GNG7: variants seen among roughly 807,000 people sequenced by gnomAD.
The protein encoded by GNG7 is G protein subunit gamma 7.
In GNG7, 1 loss-of-function variant was observed where a neutral mutation model predicts 4.0. The ratio of observed to expected loss-of-function variants is 0.25; its 90% CI spans 0.09 to 1.18. GNG7 has a LOEUF of 1.18. GNG7 is among the 50% of genes most tolerant of loss of function. The pLI is 0.50. For missense variants in GNG7, 86 were observed against 91.9 expected, an observed-to-expected ratio of 0.94 and a Z score of 0.26; for synonymous variants, 34 against 36.9, an observed-to-expected ratio of 0.92 and a Z score of 0.29.
chr19:2,551,854 T>C (rs1200408985), intron 3 of GNG7, among the ~76,000 whole-genome samples: 2 of 151,972 alleles, frequency 1.3e-5, no homozygotes, highest in African/African-American at 4.8e-5. Context: ...CGGCTAATTT[T>C]TTTTATTTTC....
At chr19:2,572,935 G>A (rs372202827) in intron 2 of GNG7, among the ~76,000 whole-genome samples, 5 of 150,766 alleles carry the variant, frequency 3.3e-5, no homozygotes, top group South Asian at 2.1e-4. Flanking sequence ...TGGAAACCCC[G>A]TCCGCATTAG....
intron 1 of GNG7, among the ~76,000 whole-genome samples, chr19:2,666,370 G>A (rs138897644): frequency 0.015 from 2,339 of 151,074 alleles, 35 homozygotes; most frequent in Middle Eastern, 0.042. Context: ...ATGGGGTTTC[G>A]CCATGTCGGC....
Position 2,584,244 on chromosome 19 carries a change from A to ACCAGCCAG in GNG7, c.-77-29064_-77-29057dup, listed in dbSNP as rs1198798843. The stretch of plus-strand genomic sequence containing the variant: ...GATGGTTTAAGGTCAGGAGCTCAAG[A>ACCAGCCAG]CCAGCCAGGGCAACATAGGGAGACC... On this transcript the variant is annotated intron_variant, in intron 2 of 4. Transcript: ENST00000382159. 2.0e-5 allele frequency among the ~76,000 whole-genome samples: 3 copies of ACCAGCCAG among 147,050 alleles called. No individual in the cohort carries two copies. In the South Asian group the frequency reaches 6.7e-4, roughly 33 times the overall value.
chr19:2,575,625 GCAGGCACACA>G (rs1222717567), intron 2 of GNG7, among the ~76,000 whole-genome samples: 7 of 116,696 alleles, frequency 6.0e-5, no homozygotes, highest in African/African-American at 1.7e-4. Flanking sequence ...ACACAGACAT[GCAGGCACACA>G]CAGGCACACG....
chr19:2,654,222 C>T (rs935041381), intron 1 of GNG7, among the ~76,000 whole-genome samples: 1 of 152,118 alleles, frequency 6.6e-6, no homozygotes, highest in Admixed American at 6.5e-5. Context: ...CCTGTCATTT[C>T]TTTTCTGACG....
In GNG7 at chr19:2,546,716, C is replaced by T. The variant is rs1016685627; in HGVS notation, c.-38+8433G>A. On this transcript the variant is annotated intron_variant, in intron 3 of 4. Transcript: ENST00000382159. This position sits in a 1 kb window ranked among gnomAD's most constrained non-coding sequence, Gnocchi z 6.3. ...AAGAGGCCGCGACGACAGAGGGTGA[C>T]GCGCCGCCAGTGTGGGTTTGGTCGC... 4.7e-4 allele frequency among the ~76,000 whole-genome samples: 71 copies of T among 152,306 alleles called. No individual in the cohort carries two copies. Among genetic ancestry groups the T allele is most frequent in the African/African-American group, 1.6e-3 (68 of 41,572 alleles).
intron 1 of GNG7, among the ~76,000 whole-genome samples, chr19:2,661,298 GAA>G (rs1201311468): frequency 1.4e-4 from 5 of 35,990 alleles, no homozygotes; most frequent in African/African-American, 2.7e-4. Context: ...AAGAAAGAAA[GAA>G]AGAGAAAGAA....
intron 3 of GNG7, among the ~76,000 whole-genome samples, chr19:2,553,437 GT>G (rs1227592969): frequency 3.5e-5 from 5 of 143,110 alleles, no homozygotes; most frequent in Non-Finnish European, 7.5e-5. Flanking sequence ...CAATATATAT[GT>G]TATATATTAT....
intron 1 of GNG7, among the ~76,000 whole-genome samples, chr19:2,691,401 A>G (rs1913131754): frequency 6.6e-6 from 1 of 151,960 alleles, no homozygotes; most frequent in Non-Finnish European, 1.5e-5. Flanking sequence ...AAAATTAGCC[A>G]GTCGTGGTGT....
At chr19:2,545,912 G>A (rs577579026) in intron 3 of GNG7, among the ~76,000 whole-genome samples, 2 of 152,072 alleles carry the variant, frequency 1.3e-5, no homozygotes, top group Non-Finnish European at 1.5e-5. Context: ...CCAAAATCGC[G>A]CCACTGCACT....
intron 2 of GNG7, chr19:2,632,062 G>A (rs939047041): frequency 6.6e-6 from 1 of 152,250 alleles, no homozygotes; most frequent in Admixed American, 6.5e-5. Flanking sequence ...TCATCACCCT[G>A]GTGCTGCCCT....
Position 2,546,340 on chromosome 19 carries a change from G to A in GNG7, c.-38+8809C>T, listed in dbSNP as rs1457059147. Among the ~76,000 whole-genome samples the A allele has an allele frequency of 1.3e-5, 2 of 152,246 alleles. No homozygotes were observed. Among genetic ancestry groups the A allele is most frequent in the South Asian group, 2.1e-4 (1 of 4,836 alleles). On this transcript the variant is annotated intron_variant, in intron 3 of 4. Transcript: ENST00000382159. This position sits in a 1 kb window ranked among gnomAD's most constrained non-coding sequence, Gnocchi z 6.3. ...TCTCCAGGGCCAGGTCGCCCAGCAG[G>A]GCCTGGGAGGGCGGCTGTGTGTGGG...
intron 1 of GNG7, among the ~76,000 whole-genome samples, chr19:2,697,047 G>A (rs1599467027): frequency 1.3e-5 from 2 of 152,110 alleles, no homozygotes; most frequent in East Asian, 3.9e-4. Context: ...CGCCATGTTG[G>A]CCAGACTGGT....
At chr19:2,521,769 ACACCCGGC>A (rs1218232711) in intron 3 of GNG7, among the ~76,000 whole-genome samples, 1 of 151,698 alleles carries the variant, frequency 6.6e-6, no homozygotes, top group Non-Finnish European at 1.5e-5. Flanking sequence ...ACGTGCCACC[ACACCCGGC>A]TAATTTTTGT....
At chr19:2,642,579 T>C (rs1599437434) in intron 2 of GNG7, 1 of 359,392 alleles carries the variant, frequency 2.8e-6, no homozygotes. Flanking sequence ...TTGCCTGGGC[T>C]GGTCTCAAAC....
intron 3 of GNG7, among the ~76,000 whole-genome samples, chr19:2,553,865 T>C (rs555046965): frequency 2.3e-5 from 2 of 88,380 alleles, no homozygotes; most frequent in South Asian, 3.6e-4. Context: ...ATATTATATG[T>C]AACATTGCAT....
Position 2,622,384 on chromosome 19 carries a change from T to A in GNG7, c.-78+23840A>T, listed in dbSNP as rs896803419. 3.9e-5 allele frequency among the ~76,000 whole-genome samples: 6 copies of A among 152,216 alleles called. No individual in the cohort carries two copies. In the South Asian group the frequency reaches 1.2e-3, roughly 31 times the overall value. On this transcript the variant is annotated intron_variant, in intron 2 of 4. Coordinates refer to ENST00000382159, the MANE Select transcript of GNG7 (RefSeq NM_052847.3). ...ATGAGCCACCGCGCCCGGCTCCTGGTGGTTTTTAAGCTTGCAAAGGGTGCG... is the reference window on the plus strand; with the variant it reads ...ATGAGCCACCGCGCCCGGCTCCTGGAGGTTTTTAAGCTTGCAAAGGGTGCG...
intron 1 of GNG7, among the ~76,000 whole-genome samples, chr19:2,682,897 C>T (rs1394436250): frequency 6.6e-6 from 1 of 151,912 alleles, no homozygotes; most frequent in Non-Finnish European, 1.5e-5. Flanking sequence ...ATTCAAATAA[C>T]AGTCTACTGC....
intron 1 of GNG7, among the ~76,000 whole-genome samples, chr19:2,662,036 G>C (rs1983193425): frequency 6.6e-6 from 1 of 152,154 alleles, no homozygotes; most frequent in Non-Finnish European, 1.5e-5. Context: ...AAGGCAGGTG[G>C]ATCACTTAAG....
Sources: gnomAD v4.1 joint callset for allele counts (sites outside exome capture counted in the v4.1 genomes callset) on GRCh38, gnomAD v4.1.1 for gene constraint, Gnocchi (gnomAD v3.1) non-coding constraint, MANE v1.5 for transcripts, NCBI Gene and HGNC (gene_info 2026-07-23, HGNC 2026-07-21) for gene names.